The following PRIM2 variants were observed in gnomAD, a reference collection of about 807,000 sequenced individuals.
PRIM2 encodes the protein DNA primase subunit 2, also known as DNA primase large subunit.
A neutral mutation model predicts 67.3 loss-of-function variants in PRIM2; 39 were observed. That is an observed-to-expected ratio of 0.58 (90% CI 0.45 to 0.76). The LOEUF (loss-of-function observed/expected upper bound fraction) is 0.76. Ranked by LOEUF, PRIM2 falls within the 30% of genes least tolerant of loss-of-function variation. The pLI, the probability that PRIM2 is intolerant of heterozygous loss-of-function variation, is 0.00. For missense variants in PRIM2, 398 were observed against 598.7 expected (o/e 0.66, Z 3.50); for synonymous variants, 143 against 198.7 (o/e 0.72, Z 2.36).
chr6:57,340,895 G>A (rs76118285), intron 5 of PRIM2, among the ~76,000 whole-genome samples: 1 of 152,074 alleles, frequency 6.6e-6, no homozygotes, highest in Non-Finnish European at 1.5e-5. Context: ...TTTTGTTTTA[G>A]GAAACAGGAA....
At chr6:57,245,196 C>T in the PRIM2 span, among the ~76,000 whole-genome samples, 1 of 152,184 alleles carries the variant, frequency 6.6e-6, no homozygotes, top group East Asian at 1.9e-4. Context: ...GGCATGTTAC[C>T]AGGCCAGGTC....
At chr6:57,577,001 T>C (rs1775975463) in intron 10 of PRIM2, among the ~76,000 whole-genome samples, 1 of 152,052 alleles carries the variant, frequency 6.6e-6, no homozygotes, top group South Asian at 2.1e-4. Flanking sequence ...TAAATACAAA[T>C]GACTTTATTT....
intron 10 of PRIM2, among the ~76,000 whole-genome samples, chr6:57,582,983 T>C (rs1776124530): frequency 8.2e-6 from 1 of 121,300 alleles, no homozygotes; most frequent in Non-Finnish European, 1.6e-5. Context: ...TTCCCCTTCC[T>C]GTGTCCATGT....
At chr6:57,510,102 C>T in intron 8 of PRIM2, among the ~76,000 whole-genome samples, 1 of 151,840 alleles carries the variant, frequency 6.6e-6, no homozygotes, top group Non-Finnish European at 1.5e-5. Flanking sequence ...ATGCCTTCTT[C>T]TGTATTACAG....
chr6:57,354,467 A>T (rs1292399129), intron 5 of PRIM2, among the ~76,000 whole-genome samples: 1 of 152,046 alleles, frequency 6.6e-6, no homozygotes, highest in Admixed American at 6.5e-5. Context: ...GTAAAATTAG[A>T]TAATTAATAA....
At chr6:57,480,589 T>C (rs1207480418) in intron 7 of PRIM2, among the ~76,000 whole-genome samples, 3 of 152,170 alleles carry the variant, frequency 2.0e-5, no homozygotes, top group Non-Finnish European at 4.4e-5. Flanking sequence ...CCACCTCCTA[T>C]GCTTGTCAGA....
chr6:57,615,623 C>A (rs1472451507), intron 12 of PRIM2, among the ~76,000 whole-genome samples: 1 of 152,086 alleles, frequency 6.6e-6, no homozygotes, highest in African/African-American at 2.4e-5. Context: ...GGGCTGGCCA[C>A]AGTGGCTCAC....
chr6:57,494,241 G>T lies in PRIM2; in HGVS notation c.694-13146G>T, dbSNP rs1267034924. On this transcript the variant is annotated intron_variant, in intron 7 of 13. Transcript: ENST00000615550. ...TGCTTGCAGTATGGTGTTAGCTAGG[G>T]TCCATTCCATCACGAAAGTGGCAGC... Among the ~76,000 whole-genome samples, 4 of 152,196 alleles carry T rather than the reference G, an allele frequency of 2.6e-5. No homozygotes were observed. The Middle Eastern group carries it at 0.01, about 388-fold the overall frequency.
At chr6:57,310,601 G>T (rs1268873709), upstream of PRIM2, among the ~76,000 whole-genome samples, 2 of 152,030 alleles carry the variant, frequency 1.3e-5, no homozygotes, top group Non-Finnish European at 1.5e-5. Context: ...AGATGGGGCG[G>T]CCGGGCAGAG....
chr6:57,427,596 G>A (rs1350079619), intron 7 of PRIM2, among the ~76,000 whole-genome samples: 3 of 152,206 alleles, frequency 2.0e-5, no homozygotes, highest in Non-Finnish European at 4.4e-5. Context: ...GGGATTACAG[G>A]TGTGAGCCAC....
At chr6:57,540,499 A>G (rs1333741262) in intron 10 of PRIM2, among the ~76,000 whole-genome samples, 4 of 152,216 alleles carry the variant, frequency 2.6e-5, no homozygotes, top group African/African-American at 9.6e-5. Context: ...ATTTTTTTCA[A>G]TAAGTATATT....
intron 5 of PRIM2, chr6:57,326,317 T>G (rs1767852868): frequency 7.6e-6 from 2 of 263,852 alleles, no homozygotes; most frequent in Non-Finnish European, 1.4e-5. Flanking sequence ...AGGTTCATCT[T>G]TAACCAAAAT....
chr6:57,566,435 T>G (rs1326458927), intron 10 of PRIM2, among the ~76,000 whole-genome samples: 6 of 152,206 alleles, frequency 3.9e-5, no homozygotes, highest in Non-Finnish European at 8.8e-5. Flanking sequence ...CTGGAATTCT[T>G]CTGTAAGAAC....
intron 7 of PRIM2, among the ~76,000 whole-genome samples, chr6:57,401,576 T>G (rs1770709571): frequency 6.6e-6 from 1 of 152,204 alleles, no homozygotes; most frequent in Non-Finnish European, 1.5e-5. Context: ...TTGGCACTCC[T>G]GGGCCTGCCC....
At chr6:57,399,303 G>T (rs6459214) in intron 7 of PRIM2, among the ~76,000 whole-genome samples, 85,061 of 151,918 alleles carry the variant, frequency 0.56, 24,416 homozygotes, top group African/African-American at 0.71. Flanking sequence ...TTGTTTTCTG[G>T]CCTTGCGATA....
intron 7 of PRIM2, among the ~76,000 whole-genome samples, chr6:57,410,735 G>A (rs1274792367): frequency 6.6e-6 from 1 of 151,228 alleles, no homozygotes; most frequent in African/African-American, 2.4e-5. Context: ...TATTTTTCTT[G>A]CCAATTACCC....
At chr6:57,476,945 G>A (rs1773492252) in intron 7 of PRIM2, among the ~76,000 whole-genome samples, 1 of 152,002 alleles carries the variant, frequency 6.6e-6, no homozygotes, top group Non-Finnish European at 1.5e-5. Context: ...ATAATAAACT[G>A]TAAGAAACCA....
the PRIM2 span, among the ~76,000 whole-genome samples, chr6:57,239,131 C>T: frequency 1.3e-5 from 2 of 152,086 alleles, no homozygotes. Flanking sequence ...GCTGGGACTA[C>T]AGGCGTGCAC....
At chr6:57,556,675 T>A (rs1171323104) in intron 10 of PRIM2, among the ~76,000 whole-genome samples, 1 of 152,168 alleles carries the variant, frequency 6.6e-6, no homozygotes, top group African/African-American at 2.4e-5. Context: ...CCCAAAACAC[T>A]ACAAACCCTA....
Sources: allele counts gnomAD v4.1 joint callset (sites outside exome capture counted in the v4.1 genomes callset), GRCh38; gene constraint gnomAD v4.1.1; transcripts MANE v1.5; gene names NCBI Gene and HGNC (gene_info 2026-07-23, HGNC 2026-07-21).